SMAP1: variants seen among roughly 807,000 people sequenced by gnomAD.
The protein encoded by SMAP1 is stromal membrane-associated protein 1.
Under a neutral mutation model 58.5 loss-of-function variants are expected in SMAP1, and 24 were observed. The ratio of observed to expected loss-of-function variants is 0.41; its 90% CI spans 0.30 to 0.58. The LOEUF is 0.58. Among genes scored for constraint, SMAP1 ranks in the 20% least tolerant of loss-of-function variants. SMAP1 has a pLI of 0.29. For missense variants in SMAP1, 563 were observed against 566.3 expected, an observed-to-expected ratio of 0.99 and a Z score of 0.06; for synonymous variants, 216 against 196.6, an observed-to-expected ratio of 1.10 and a Z score of -0.82.
At chr6:70,690,706 A>ATTT (rs201211170) in intron 1 of SMAP1, among the ~76,000 whole-genome samples, 1 of 146,170 alleles carries the variant, frequency 6.8e-6, no homozygotes, top group African/African-American at 2.5e-5. Context: ...ATATATATAT[A>ATTT]TATTTTTGAA....
At chr6:70,769,073 T>C (rs1439823798) in intron 3 of SMAP1, among the ~76,000 whole-genome samples, 14 of 152,258 alleles carry the variant, frequency 9.2e-5, no homozygotes, top group Admixed American at 2.6e-4. Flanking sequence ...GAGTGAGTTT[T>C]TTAATCCTGA....
At chr6:70,715,645 A>G (rs1768236796) in intron 1 of SMAP1, among the ~76,000 whole-genome samples, 1 of 152,068 alleles carries the variant, frequency 6.6e-6, no homozygotes, top group Admixed American at 6.5e-5. Flanking sequence ...TTTTCCATGG[A>G]CTTGGGATGG....
chr6:70,681,243 A>T (rs1330273492), intron 1 of SMAP1, among the ~76,000 whole-genome samples: 1 of 151,776 alleles, frequency 6.6e-6, no homozygotes, highest in Non-Finnish European at 1.5e-5. Flanking sequence ...AAATGACGAA[A>T]CTCTGTCTCT....
chr6:70,677,395 G>A (rs1766524939), intron 1 of SMAP1, among the ~76,000 whole-genome samples: 2 of 137,876 alleles, frequency 1.5e-5, no homozygotes, highest in Non-Finnish European at 3.1e-5. Context: ...ACCTTGTATG[G>A]TCTGTGTTCT....
At chr6:70,671,476 A>C (rs1329750629) in intron 1 of SMAP1, among the ~76,000 whole-genome samples, 1 of 152,156 alleles carries the variant, frequency 6.6e-6, no homozygotes, top group Non-Finnish European at 1.5e-5. Context: ...AGGCGGAGGC[A>C]AGAGAATTGC....
Position 70,848,191 on chromosome 6 carries a change from A to G in SMAP1, c.665-4349A>G, listed in dbSNP as rs138966030. ...AATTTGTGAATATTCTTAGTTGACC[A>G]AGGCCTGATTATATCCCACAGTTGC... On this transcript the variant is annotated intron_variant, in intron 7 of 10. Coordinates refer to ENST00000370455, the MANE Select transcript of SMAP1 (RefSeq NM_001044305.3). Among the ~76,000 whole-genome samples, 69 of 152,232 alleles carry G rather than the reference A, an allele frequency of 4.5e-4. No individual in the cohort carries two copies. The East Asian group carries it at 0.012, about 26-fold the overall frequency.
At chr6:70,804,317 T>G (rs534218729) in intron 6 of SMAP1, among the ~76,000 whole-genome samples, 7 of 152,218 alleles carry the variant, frequency 4.6e-5, no homozygotes, top group Admixed American at 3.3e-4. Flanking sequence ...CCCCTGTTTT[T>G]TTTTTTTTTT....
Position 70,686,154 on chromosome 6 carries a change from T to A in SMAP1, c.118+18013T>A, listed in dbSNP as rs539459856. On this transcript the variant is annotated intron_variant, in intron 1 of 10. Transcript: ENST00000370455. ...CTTATGAAAATTTCTGTGGTGAAGC[T>A]GAATCCAAATTGCCTCAGAGTCTGT... Among the ~76,000 whole-genome samples the A allele has an allele frequency of 3.7e-4, 57 of 152,282 alleles. No homozygotes were observed. The South Asian group carries it at 0.012, about 31-fold the overall frequency.
chr6:70,722,413 C>T (rs1768569940), intron 1 of SMAP1, among the ~76,000 whole-genome samples: 1 of 152,140 alleles, frequency 6.6e-6, no homozygotes, highest in African/African-American at 2.4e-5. Flanking sequence ...TTAATCCTTT[C>T]TTTCTTGTCC....
chr6:70,703,547 G>T (rs760966728), intron 1 of SMAP1, among the ~76,000 whole-genome samples: 1 of 152,142 alleles, frequency 6.6e-6, no homozygotes, highest in Non-Finnish European at 1.5e-5. Context: ...GGACTTTATA[G>T]AATTAATTTT....
intron 1 of SMAP1, among the ~76,000 whole-genome samples, chr6:70,670,553 A>G (rs1182841424): frequency 6.6e-6 from 1 of 152,224 alleles, no homozygotes; most frequent in Admixed American, 6.5e-5. Context: ...CTAGGATGAC[A>G]TAATAAATAT....
chr6:70,696,691 T>C (rs1256175559), intron 1 of SMAP1, among the ~76,000 whole-genome samples: 1 of 152,230 alleles, frequency 6.6e-6, no homozygotes, highest in Admixed American at 6.5e-5. Flanking sequence ...ATGATCCATG[T>C]GCTGAGGAGA....
At chr6:70,759,816 C>T (rs1766672760) in intron 3 of SMAP1, 2 of 422,272 alleles carry the variant, frequency 4.7e-6, no homozygotes, top group Non-Finnish European at 9.5e-6. Flanking sequence ...AAATCCTTGA[C>T]GTTCGACACA....
In SMAP1 at chr6:70,837,666, C is replaced by CTTT. The variant is rs11431598; in HGVS notation, c.664+639_664+640insTTT. The CTTT allele has an allele frequency of 2.0e-3, 828 of 421,322 alleles. 3 individuals are homozygous for CTTT. Among genetic ancestry groups the CTTT allele is most frequent in the African/African-American group, 0.016 (692 of 43,764 alleles). The allele number at this position is 421,322 out of a possible 1,614,324, so 26.1% of individuals were successfully genotyped here. ...ACAAATATTGTTAGCTTCTCTCTCT[C>CTTT]TCTTTTTTTTTTTTTACATTTTTTT... On this transcript the variant is annotated intron_variant, in intron 7 of 10. Coordinates refer to ENST00000370455, the MANE Select transcript of SMAP1 (RefSeq NM_001044305.3).
At chr6:70,836,589 C>G (rs992463386) in intron 6 of SMAP1, among the ~76,000 whole-genome samples, 5 of 152,106 alleles carry the variant, frequency 3.3e-5, no homozygotes, top group Admixed American at 6.6e-5. Context: ...TGGGGACACA[C>G]AGCCAAACTC....
At chr6:70,808,673 A>C (rs1466240733) in intron 6 of SMAP1, among the ~76,000 whole-genome samples, 1 of 152,186 alleles carries the variant, frequency 6.6e-6, no homozygotes, top group African/African-American at 2.4e-5. Flanking sequence ...TCGCCTATTG[A>C]ACATAGGGAC....
rs565597779 is a variant in SMAP1 at position 70,754,482 on chromosome 6, G to T, written c.253-498G>T. ...AGGGATTATTATTAATAACTCAAAA[G>T]AAATTAATACATTTTTACAGAGTTT... On this transcript the variant is annotated intron_variant, in intron 2 of 10. Coordinates refer to ENST00000370455, the MANE Select transcript of SMAP1 (RefSeq NM_001044305.3). 3.9e-5 allele frequency among the ~76,000 whole-genome samples: 6 copies of T among 152,114 alleles called. No individual in the cohort carries two copies. In the East Asian group the frequency reaches 5.8e-4, roughly 15 times the overall value.
intron 3 of SMAP1, among the ~76,000 whole-genome samples, chr6:70,770,018 G>A (rs1451524282): frequency 1.3e-5 from 2 of 151,636 alleles, no homozygotes; most frequent in Non-Finnish European, 2.9e-5. Context: ...ATGAAGCTTA[G>A]TTTGGCTGGA....
chr6:70,824,268 T>C lies in SMAP1; in HGVS notation c.577-12673T>C, dbSNP rs563212472. Among the ~76,000 whole-genome samples, 492 of 152,278 alleles carry C rather than the reference T, an allele frequency of 3.2e-3. 2 individuals are homozygous for C. The highest frequency in any genetic ancestry group is 0.011 in the African/African-American group (470 of 41,566). On this transcript the variant is annotated intron_variant, in intron 6 of 10. Coordinates refer to ENST00000370455, the MANE Select transcript of SMAP1 (RefSeq NM_001044305.3). ...ACCAGAAGTGGAAAGTCTCATAATA[T>C]GAATCTTAATTATTATTTCAGCAGT... is the stretch of plus-strand genomic sequence containing the variant.
Sources: gnomAD v4.1 joint callset for allele counts (sites outside exome capture counted in the v4.1 genomes callset) on GRCh38, gnomAD v4.1.1 for gene constraint, MANE v1.5 for transcripts, NCBI Gene and HGNC (gene_info 2026-07-23, HGNC 2026-07-21) for gene names.